Variants in USF3 observed in about 807,000 individuals in gnomAD.
The protein encoded by USF3 is basic helix-loop-helix domain-containing protein USF3.
In USF3, 29 loss-of-function variants were observed where a neutral mutation model predicts 157.5. The observed-to-expected ratio is 0.18, with a 90% CI of 0.14 to 0.25. USF3 has a LOEUF of 0.25. USF3 is among the 10% of genes least tolerant of loss of function. USF3 has a pLI of 1.00. For synonymous variants in USF3, 893 were observed against 941.4 expected (o/e 0.95, Z 0.94); for missense variants, 2,381 against 2,667.6 (o/e 0.89, Z 2.37).
At chr3:113,691,266 TCC>T (rs1707675730) in intron 1 of USF3, among the ~76,000 whole-genome samples, 1 of 152,166 alleles carries the variant, frequency 6.6e-6, no homozygotes, top group South Asian at 2.1e-4. Flanking sequence ...ACCTTGCAAC[TCC>T]CCACAGGTGT....
chr3:113,695,196 C>T (rs1308134048), intron 1 of USF3, among the ~76,000 whole-genome samples: 8 of 152,230 alleles, frequency 5.3e-5, no homozygotes, highest in Non-Finnish European at 5.9e-5. Flanking sequence ...CATTACACTA[C>T]TTCTGCTTTC....
chr3:113,688,458 G>A (rs1707608458), intron 1 of USF3, among the ~76,000 whole-genome samples: 1 of 152,126 alleles, frequency 6.6e-6, no homozygotes, highest in African/African-American at 2.4e-5. Flanking sequence ...AACCTAGTCT[G>A]TCTCTCATCA....
rs1947344645 is a variant in USF3 at position 113,655,743 on chromosome 3, T to G, written c.5939A>C (p.His1980Pro). 6.2e-7 allele frequency: 1 copy of G among 1,614,052 alleles called. No individual in the cohort carries two copies. Among genetic ancestry groups the G allele is most frequent in the Non-Finnish European group, 8.5e-7 (1 of 1,179,984 alleles). Residue 1980 changes from histidine (H) to proline (P), a missense_variant, in exon 7 of 7, where the codon CAT becomes CCT. Physicochemically the swap from His to Pro is moderately conservative, Grantham distance 77. Transcript: ENST00000316407. ...ANSSVPQRSR[H>P]PLQDSSGSKI... ...GGAACCACTGCTGTCTTGCAGGGGA[T>G]GCCTTGATCTCTGGGGAACTGAAGA...
chr3:113,672,635 G>A (rs1707186040), intron 4 of USF3, among the ~76,000 whole-genome samples: 1 of 151,894 alleles, frequency 6.6e-6, no homozygotes, highest in South Asian at 2.1e-4. Flanking sequence ...TCAACATTAA[G>A]ACTTTTTACC....
rs1204132892 is a variant in USF3, at chr3:113,649,490, T to C, written c.*5454A>G. The C allele has an allele frequency of 8.5e-5, 19 of 223,468 alleles. No homozygotes were observed. Among genetic ancestry groups the C allele is most frequent in the South Asian group, 5.0e-4 (3 of 5,970 alleles). The allele number at this position is 223,468 out of a possible 1,614,324, so 13.8% of individuals were successfully genotyped here. ...CAAGCTCTGAGTTTAACAGGAGTTT[T>C]GCTACTAGGTTTTTTTTTTGTTTTT... On this transcript the variant is annotated 3_prime_UTR_variant, in exon 7 of 7. Transcript: ENST00000316407.
intron 4 of USF3, among the ~76,000 whole-genome samples, chr3:113,671,415 T>G (rs1035041871): frequency 6.6e-6 from 1 of 152,224 alleles, no homozygotes; most frequent in Non-Finnish European, 1.5e-5. Flanking sequence ...CCACTTTGGC[T>G]ATGTTGGATC....
rs1474454938 is a variant in USF3 at position 113,649,829 on chromosome 3, CT to C, written c.*5114del. ...ACTCAATCTAAATTTGGTGTCCCCC[CT>C]CCACAGGTTCTAGTAGAAACCTACG... On this transcript the variant is annotated 3_prime_UTR_variant, in exon 7 of 7. Coordinates refer to ENST00000316407, the MANE Select transcript of USF3 (RefSeq NM_001009899.4). The C allele has an allele frequency of 7.1e-6, 5 of 702,850 alleles. No homozygotes were observed. The East Asian group carries it at 1.3e-4, about 19-fold the overall frequency. 43.5% of individuals were successfully genotyped at this position (702,850 alleles called of 1,614,324 possible). A position where few individuals can be genotyped will look rare whatever the true frequency, so the allele number is the denominator to read the frequency against.
chr3:113,692,186 A>C (rs1707701376), intron 1 of USF3, among the ~76,000 whole-genome samples: 1 of 152,194 alleles, frequency 6.6e-6, no homozygotes, highest in African/African-American at 2.4e-5. Flanking sequence ...CTAACAGGCC[A>C]CTTGGGGACC....
chr3:113,671,673 G>A (rs1577041492), intron 4 of USF3, among the ~76,000 whole-genome samples: 2 of 151,710 alleles, frequency 1.3e-5, no homozygotes, highest in African/African-American at 2.4e-5. Flanking sequence ...TGGGTGTGAC[G>A]TGTTTTGCAA....
intron 1 of USF3, among the ~76,000 whole-genome samples, chr3:113,677,780 C>T (rs1337560783): frequency 1.3e-5 from 2 of 152,164 alleles, no homozygotes; most frequent in East Asian, 3.8e-4. Flanking sequence ...CAATTTCCTA[C>T]CTCCTACTTC....
In USF3 at chr3:113,658,183, C is replaced by T. The variant is rs1947403518; in HGVS notation, c.3499G>A (p.Ala1167Thr). The part of the protein sequence containing the change: ...IREVASKPSE[A>T]SLLEGDPPFK... The stretch of plus-strand genomic sequence containing the variant: ...GGTGGGTCTCCCTCTAACAATGATG[C>T]TTCAGAAGGCTTTGAAGCAACTTCC... Residue 1167 changes from alanine to threonine, a missense_variant, in exon 7 of 7, where the codon GCA becomes ACA. By Grantham distance (58) the Ala-to-Thr change is moderately conservative (BLOSUM62 0). This residue lies in a region of USF3 where 1,435 missense variants were observed against 1,550.9 expected (regional missense o/e 0.93). Coordinates refer to ENST00000316407, the MANE Select transcript of USF3 (RefSeq NM_001009899.4). 2 of 1,614,016 alleles carry T rather than the reference C, an allele frequency of 1.2e-6. No individual in the cohort carries two copies. Among genetic ancestry groups the T allele is most frequent in the Non-Finnish European group, 8.5e-7 (1 of 1,180,018 alleles).
rs143667618 is a variant in USF3, at chr3:113,655,965, A to G, written c.5717T>C (p.Ile1906Thr). Residue 1906 changes from isoleucine to threonine, a missense_variant, in exon 7 of 7, where the codon ATT (isoleucine) becomes ACT (threonine). Coordinates refer to ENST00000316407, the MANE Select transcript of USF3 (RefSeq NM_001009899.4). ...PFSSSSSSGDIQGRNTSPNVS... is the reference protein window; with the variant it reads ...PFSSSSSSGDTQGRNTSPNVS... ...ATTGGGGCTTGTGTTTCGACCTTGA[A>G]TATCTCCTGAGGAAGAGGAACTTGA... The G allele has an allele frequency of 2.4e-4, 389 of 1,614,180 alleles. 3 individuals are homozygous for G. In the East Asian group the frequency reaches 8.5e-3, roughly 35 times the overall value.
Position 113,661,176 on chromosome 3 carries a change from G to T in USF3, c.506C>A (p.Thr169Asn). 1 of 1,614,166 alleles carries T rather than the reference G, an allele frequency of 6.2e-7. No individual in the cohort carries two copies. Among genetic ancestry groups the T allele is most frequent in the Admixed American group, 1.7e-5 (1 of 60,022 alleles). The change falls in exon 7 of 7, where the codon ACT becomes AAT. Residue 169 changes from threonine to asparagine, a missense_variant. Coordinates refer to ENST00000316407, the MANE Select transcript of USF3 (RefSeq NM_001009899.4). ...NSQGTAVQGITFNVSHNLQKQ... is the reference protein window; with the variant it reads ...NSQGTAVQGINFNVSHNLQKQ... ...TTGTAAATTATGACTAACATTAAAAGTTATCCCCTGAACAGCTGTTCCCTG... is the reference window on the plus strand; with the variant it reads ...TTGTAAATTATGACTAACATTAAAATTTATCCCCTGAACAGCTGTTCCCTG...
rs772596795 is a variant in USF3 at position 113,656,244 on chromosome 3, TTTTCAC to T, written c.5432_5437del (p.Ser1811_Glu1812del). 23 of 1,614,078 alleles carry T rather than the reference TTTTCAC, an allele frequency of 1.4e-5. No individual in the cohort carries two copies. The highest frequency in any genetic ancestry group is 1.9e-5 in the Non-Finnish European group (23 of 1,180,044). Reference sequence around the variant, plus strand: ...CTGCATGAAACTTTGGTGACAAGTATTTTCACTGTCCCTTGATGGAATACCATTTCC... The same window carrying T: ...CTGCATGAAACTTTGGTGACAAGTATTGTCCCTTGATGGAATACCATTTCC... On this transcript the variant is annotated inframe_deletion, in exon 7 of 7. Transcript: ENST00000316407.
chr3:113,655,918 G>A lies in USF3; in HGVS notation c.5764C>T (p.Pro1922Ser). 2 of 1,614,172 alleles carry A rather than the reference G, an allele frequency of 1.2e-6. No individual in the cohort carries two copies. Among genetic ancestry groups the A allele is most frequent in the Non-Finnish European group, 1.7e-6 (2 of 1,180,030 alleles). Residue 1922 changes from proline to serine, a missense_variant, in exon 7 of 7, where the codon CCC becomes TCC. Physicochemically the swap from Pro to Ser is moderately conservative, Grantham distance 74. Coordinates refer to ENST00000316407, the MANE Select transcript of USF3 (RefSeq NM_001009899.4). The part of the protein sequence containing the change: ...SPNVSVQKSN[P>S]MRITESHATK... ...GCATGACTCTCAGTAATCCTCATGG[G>A]ATTGGATTTCTGTACAGAAACATTG... is the stretch of plus-strand genomic sequence containing the variant.
Position 113,657,366 on chromosome 3 carries a change from T to C in USF3, c.4316A>G (p.Gln1439Arg), listed in dbSNP as rs1206873532. The C allele has an allele frequency of 1.2e-6, 2 of 1,614,178 alleles. No individual in the cohort carries two copies. The highest frequency in any genetic ancestry group is 2.2e-5 in the South Asian group (2 of 91,076). Reference sequence around the variant, plus strand: ...AGCTGGAACATGCTGCTGCAGGGCCTGTAGATGCTGACTTGCCTGGGTTTG... The same window carrying C: ...AGCTGGAACATGCTGCTGCAGGGCCCGTAGATGCTGACTTGCCTGGGTTTG... ...QQQTQASQHL[Q>R]ALQQHVPAQG... The change falls in exon 7 of 7, where the codon CAG becomes CGG. Residue 1439 changes from glutamine (Q) to arginine (R), a missense_variant. Gln to Arg is a conservative substitution (Grantham distance 43, BLOSUM62 1). Around this residue, in one of 6 missense-constraint regions of USF3, gnomAD observed 1,435 missense variants for 1,550.9 expected, o/e 0.93. Transcript: ENST00000316407.
At position 113,650,016 on chromosome 3, in the gene USF3, C is replaced by T; in HGVS notation, c.*4928G>A. The T allele has an allele frequency of 3.3e-6, 2 of 609,134 alleles. No homozygotes were observed. Among genetic ancestry groups the T allele is most frequent in the East Asian group, 2.8e-5 (1 of 36,058 alleles). The allele number at this position is 609,134 out of a possible 1,614,324, so 37.7% of individuals were successfully genotyped here. ...GCATATAAGTATCATAAAATCATCA[C>T]TCACAGATTAACTTCACTAGTTTGT... On this transcript the variant is annotated 3_prime_UTR_variant, in exon 7 of 7. Transcript: ENST00000316407.
In USF3 at chr3:113,657,200, A is replaced by G. The variant is rs1324542663; in HGVS notation, c.4482T>C (p.His1494=). 4 of 1,614,038 alleles carry G rather than the reference A, an allele frequency of 2.5e-6. No homozygotes were observed. Among genetic ancestry groups the G allele is most frequent in the African/African-American group, 1.3e-5 (1 of 74,926 alleles). ...GGACAGAGCTCTCTGCATGAGGTAC[A>G]TGATGCTGCATTTGATATAAGTGAT... ...ERHHLYQMQH[H]VPHAESSVHS... is the part of the protein sequence containing the mutation. Residue 1494 remains histidine (H), a synonymous_variant, in exon 7 of 7, where the codon CAT becomes CAC. Transcript: ENST00000316407.
chr3:113,674,766 A>G, intron 3 of USF3, 66 bp downstream of exon 3: 2 of 1,325,386 alleles, frequency 1.5e-6, no homozygotes, highest in South Asian at 1.2e-5. Flanking sequence ...CCTATGTAGC[A>G]AAATAGGAAC....
Sources: gnomAD v4.1 joint callset for allele counts (sites outside exome capture counted in the v4.1 genomes callset) on GRCh38, gnomAD v4.1.1 for gene constraint, gnomAD v4.1.1 regional missense constraint, MANE v1.5 for transcripts, NCBI Gene and HGNC (gene_info 2026-07-23, HGNC 2026-07-21) for gene names.